UNC5C: variants seen among roughly 807,000 people sequenced by gnomAD.
UNC5C encodes the protein unc-5 netrin receptor C.
Under a neutral mutation model 99.8 loss-of-function variants are expected in UNC5C, and 47 were observed. The observed-to-expected ratio is 0.47, with a 90% CI of 0.37 to 0.60. The LOEUF (loss-of-function observed/expected upper bound fraction) is 0.60. Ranked by LOEUF, UNC5C falls within the 20% of genes least tolerant of loss-of-function variation. UNC5C has a pLI of 0.00. For missense variants in UNC5C, 1,062 were observed against 1,165.9 expected, an observed-to-expected ratio of 0.91 and a Z score of 1.30; for synonymous variants, 487 against 452.2, an observed-to-expected ratio of 1.08 and a Z score of -0.98.
intron 1 of UNC5C, among the ~76,000 whole-genome samples, chr4:95,507,368 T>C (rs1721952062): frequency 6.6e-6 from 1 of 152,020 alleles, no homozygotes; most frequent in East Asian, 1.9e-4. Flanking sequence ...TTTAACAACA[T>C]CTAAACAGTC....
At position 95,372,172 on chromosome 4, in the gene UNC5C, C is replaced by T. The variant is rs139188996; in HGVS notation, c.125-36541G>A. On this transcript the variant is annotated intron_variant, in intron 1 of 15. Coordinates refer to ENST00000453304, the MANE Select transcript of UNC5C (RefSeq NM_003728.4). ...ACTACTTTCATTAGGAAACTATTGACCCTTCTCCAGTGGAGCATCCTGAGA... is the reference window on the plus strand; with the variant it reads ...ACTACTTTCATTAGGAAACTATTGATCCTTCTCCAGTGGAGCATCCTGAGA... Among the ~76,000 whole-genome samples, 274 of 152,246 alleles carry T rather than the reference C, an allele frequency of 1.8e-3. 1 individual carries two copies. The highest frequency in any genetic ancestry group is 5.8e-3 in the African/African-American group (240 of 41,538).
At chr4:95,224,638 C>T (rs1286205891) in intron 7 of UNC5C, among the ~76,000 whole-genome samples, 1 of 147,876 alleles carries the variant, frequency 6.8e-6, no homozygotes. Context: ...ATTCATCATC[C>T]GTTTAGCAAA....
chr4:95,212,249 C>T (rs920306238), intron 10 of UNC5C, among the ~76,000 whole-genome samples: 1 of 152,022 alleles, frequency 6.6e-6, no homozygotes, highest in Non-Finnish European at 1.5e-5. Context: ...AAGTTCTGAA[C>T]ACCACTAATG....
At chr4:95,516,122 A>T (rs1722211758) in intron 1 of UNC5C, among the ~76,000 whole-genome samples, 1 of 152,210 alleles carries the variant, frequency 6.6e-6, no homozygotes. Context: ...TTTCTCAGTA[A>T]TATGGTAGTA....
chr4:95,354,918 T>G (rs1284583421), intron 1 of UNC5C, among the ~76,000 whole-genome samples: 1 of 152,198 alleles, frequency 6.6e-6, no homozygotes, highest in Non-Finnish European at 1.5e-5. Flanking sequence ...CTACCTTTTA[T>G]AATTAGCTCT....
At chr4:95,265,814 A>T (rs1199921528) in intron 4 of UNC5C, among the ~76,000 whole-genome samples, 1 of 152,188 alleles carries the variant, frequency 6.6e-6, no homozygotes, top group Non-Finnish European at 1.5e-5. Flanking sequence ...AGCCTTGCGC[A>T]GGCTATAAGC....
chr4:95,190,509 C>T (rs554603690), intron 12 of UNC5C, among the ~76,000 whole-genome samples: 29 of 151,490 alleles, frequency 1.9e-4, no homozygotes, highest in African/African-American at 5.3e-4. Context: ...TTTTTTTTGT[C>T]GGGACAAAGT....
At chr4:95,457,450 A>C (rs548232187) in intron 1 of UNC5C, among the ~76,000 whole-genome samples, 1 of 152,252 alleles carries the variant, frequency 6.6e-6, no homozygotes, top group Admixed American at 6.5e-5. Flanking sequence ...ACAATATCAA[A>C]TATTTCTACC....
rs764596839 is a variant in UNC5C, at chr4:95,182,975, C to T, written c.2373G>A (p.Val791=). Residue 791 remains valine, a synonymous_variant, in exon 14 of 16, where the codon GTG becomes GTA. Coordinates refer to ENST00000453304, the MANE Select transcript of UNC5C (RefSeq NM_003728.4). ...FTLERFSLNT[V]ELVCKLCVRQ... ...GCACACAGAGTTTGCAAACCAGCTCCACTGTGTTCAGGCTAAATCTTTCCA... is the reference window on the plus strand; with the variant it reads ...GCACACAGAGTTTGCAAACCAGCTCTACTGTGTTCAGGCTAAATCTTTCCA... The T allele has an allele frequency of 1.9e-6, 3 of 1,613,912 alleles. No homozygotes were observed. Among genetic ancestry groups the T allele is most frequent in the South Asian group, 2.2e-5 (2 of 91,064 alleles).
intron 12 of UNC5C, among the ~76,000 whole-genome samples, chr4:95,193,559 C>G (rs1004474648): frequency 2.0e-5 from 3 of 152,192 alleles, no homozygotes; most frequent in Non-Finnish European, 4.4e-5. Flanking sequence ...CATCTGCCAT[C>G]AGATTTCATG....
At position 95,172,671 on chromosome 4, in the gene UNC5C, T is replaced by C. The variant is rs541294125; in HGVS notation, c.2452-2339A>G. 4.1e-3 allele frequency among the ~76,000 whole-genome samples: 617 copies of C among 151,870 alleles called. 5 individuals are homozygous for C. The highest frequency in any genetic ancestry group is 0.014 in the African/African-American group (595 of 41,288). ...TGTAGTATAGTTTGAAGTCAGGTAG[T>C]GTGATGCCTCCAGCTTTGTTCTTTT... On this transcript the variant is annotated intron_variant, in intron 14 of 15. Coordinates refer to ENST00000453304, the MANE Select transcript of UNC5C (RefSeq NM_003728.4).
intron 12 of UNC5C, among the ~76,000 whole-genome samples, chr4:95,196,016 C>A (rs1204896457): frequency 6.6e-6 from 1 of 152,058 alleles, no homozygotes; most frequent in Non-Finnish European, 1.5e-5. Flanking sequence ...AAAATAACTC[C>A]TTTTTTAGGT....
At chr4:95,368,561 C>T (rs1744650734) in intron 1 of UNC5C, among the ~76,000 whole-genome samples, 1 of 152,104 alleles carries the variant, frequency 6.6e-6, no homozygotes, top group African/African-American at 2.4e-5. Context: ...TTTCAAGAGG[C>T]CACCTGTAAG....
chr4:95,406,404 C>A (rs979527591), intron 1 of UNC5C, among the ~76,000 whole-genome samples: 1 of 152,098 alleles, frequency 6.6e-6, no homozygotes, highest in Non-Finnish European at 1.5e-5. Flanking sequence ...CCATAGGTAC[C>A]GTGGCAGGAT....
intron 1 of UNC5C, among the ~76,000 whole-genome samples, chr4:95,429,110 A>C (rs1746561927): frequency 1.3e-5 from 2 of 152,126 alleles, no homozygotes; most frequent in African/African-American, 4.8e-5. Flanking sequence ...TCAGTAGACC[A>C]AATGCAGGCA....
intron 1 of UNC5C, among the ~76,000 whole-genome samples, chr4:95,541,225 A>T (rs1281922683): frequency 1.4e-4 from 22 of 152,142 alleles, no homozygotes; most frequent in Admixed American, 1.4e-3. Context: ...AGAAACAAAC[A>T]ATTCGTAAGT....
intron 12 of UNC5C, among the ~76,000 whole-genome samples, chr4:95,187,327 C>G (rs965885185): frequency 6.6e-6 from 1 of 152,122 alleles, no homozygotes; most frequent in East Asian, 1.9e-4. Context: ...AAAGAGCAAT[C>G]GATAGTAATT....
In UNC5C at chr4:95,466,275, T is replaced by C. The variant is rs183820; in HGVS notation, c.124+82459A>G. Among the ~76,000 whole-genome samples the C allele has an allele frequency of 8.5e-3, 1,299 of 152,238 alleles. 8 individuals are homozygous for C. The highest frequency in any genetic ancestry group is 0.034 in the Middle Eastern group (10 of 294). ...ATGTCATAGTTTGGGGATACTGCCTTACCCAAAATAGGCAAAAATCCTGGC... is the reference window on the plus strand; with the variant it reads ...ATGTCATAGTTTGGGGATACTGCCTCACCCAAAATAGGCAAAAATCCTGGC... On this transcript the variant is annotated intron_variant, in intron 1 of 15. Coordinates refer to ENST00000453304, the MANE Select transcript of UNC5C (RefSeq NM_003728.4).
intron 14 of UNC5C, among the ~76,000 whole-genome samples, chr4:95,177,477 G>C (rs1029405994): frequency 6.6e-6 from 1 of 152,196 alleles, no homozygotes; most frequent in Non-Finnish European, 1.5e-5. Flanking sequence ...CACTGCAGGC[G>C]GTGAGGTTGC....
Sources: gnomAD v4.1 joint callset for allele counts (sites outside exome capture counted in the v4.1 genomes callset) on GRCh38, gnomAD v4.1.1 for gene constraint, MANE v1.5 for transcripts, NCBI Gene and HGNC (gene_info 2026-07-23, HGNC 2026-07-21) for gene names.